Variants in CTCFL observed in about 807,000 individuals in gnomAD.
CTCFL encodes the protein transcriptional repressor CTCFL.
In CTCFL, 36 loss-of-function variants were observed where a neutral mutation model predicts 67.4. The observed-to-expected ratio is 0.53, with a 90% CI of 0.41 to 0.71. The LOEUF (loss-of-function observed/expected upper bound fraction) is 0.71. Ranked by LOEUF, CTCFL falls within the 30% of genes least tolerant of loss-of-function variation. The pLI is 0.00. For missense variants in CTCFL, 786 were observed against 835.2 expected (o/e 0.94, Z 0.73); for synonymous variants, 324 against 302.3 (o/e 1.07, Z -0.75).
At chr20:57,521,351 C>T (rs1362276868) in intron 3 of CTCFL, among the ~76,000 whole-genome samples, 1 of 152,176 alleles carries the variant, frequency 6.6e-6, no homozygotes, top group Non-Finnish European at 1.5e-5. Flanking sequence ...GAAACCAAAA[C>T]TACAACGAGA....
chr20:57,507,362 C>CTTT, intron 9 of CTCFL: 1 of 489,200 alleles, frequency 2.0e-6, no homozygotes, highest in Non-Finnish European at 3.7e-6. Context: ...TAGCTATTTT[C>CTTT]TTTTTTTTTT....
downstream of CTCFL, among the ~76,000 whole-genome samples, chr20:57,496,597 T>G (rs2182970): frequency 0.59 from 89,281 of 151,946 alleles, 26,437 homozygotes; most frequent in South Asian, 0.73. Flanking sequence ...ACACTAACTC[T>G]CCATTCTCCC....
At chr20:57,519,035 C>T (rs2069138530) in intron 4 of CTCFL, 144 bp from the exon 5 acceptor site, 1 of 1,179,364 alleles carries the variant, frequency 8.5e-7, no homozygotes. Flanking sequence ...ACCACAGATG[C>T]ATGTGAGAAA....
rs1302045794 is a variant in CTCFL, at chr20:57,515,778, A to G, written c.1116T>C (p.Cys372=). ...RSHTGERPFQ[C]CQCSYASRDT... ...CTCTGCTGGCATAGCTGCACTGGCA[A>G]CACTGAAAGGGGCGCTCCCCAGTGT... The change falls in exon 6 of 11, where the codon TGT becomes TGC. Residue 372 remains cysteine (C), a synonymous_variant. Coordinates refer to ENST00000243914, the MANE Select transcript of CTCFL (RefSeq NM_001386993.1). 1 of 1,614,194 alleles carries G rather than the reference A, an allele frequency of 6.2e-7. No individual in the cohort carries two copies. Among genetic ancestry groups the G allele is most frequent in the South Asian group, 1.1e-5 (1 of 91,080 alleles).
At position 57,523,743 on chromosome 20, in the gene CTCFL, C is replaced by A. The variant is rs368620834; in HGVS notation, c.463G>T (p.Ala155Ser). 1 of 1,613,392 alleles carries A rather than the reference C, an allele frequency of 6.2e-7. No individual in the cohort carries two copies. The highest frequency in any genetic ancestry group is 8.5e-7 in the Non-Finnish European group (1 of 1,180,038). ...GCCACCATCACATTCTCCTCTAGAG[C>A]GTGGAACTGCAACACCTCCATCTCT... is the stretch of plus-strand genomic sequence containing the variant. ...PQEMEVLQFHALEENVMVASE... is the reference protein window; with the variant it reads ...PQEMEVLQFHSLEENVMVASE... Residue 155 changes from alanine to serine, a missense_variant, in exon 2 of 11, where the codon GCT (alanine) becomes TCT (serine). Coordinates refer to ENST00000243914, the MANE Select transcript of CTCFL (RefSeq NM_001386993.1).
In CTCFL at chr20:57,524,069, T is replaced by A; in HGVS notation, c.137A>T (p.Glu46Val). The A allele has an allele frequency of 6.2e-7, 1 of 1,613,680 alleles. No individual in the cohort carries two copies. The highest frequency in any genetic ancestry group is 1.1e-5 in the South Asian group (1 of 91,074). The change falls in exon 2 of 11, where the codon GAG (glutamate) becomes GTG (valine). Residue 46 changes from glutamate (E) to valine (V), a missense_variant. Glu to Val is a moderately radical substitution (Grantham distance 121). Transcript: ENST00000243914. ...CCCAGAGGTACGCTCGGCCTCCAAC[T>A]CACTAGGGCTCCGATGGTCTTTCTC... The part of the protein sequence containing the change: ...CREKDHRSPS[E>V]LEAERTSGAF...
intron 5 of CTCFL, 91 bp downstream of exon 5, chr20:57,518,667 A>G (rs1222355545): frequency 3.5e-5 from 57 of 1,607,902 alleles, no homozygotes; most frequent in Non-Finnish European, 4.6e-5. Flanking sequence ...GCCTGTTTGT[A>G]ACAGATTCTA....
chr20:57,501,918 A>T (rs1396553882), intron 10 of CTCFL, among the ~76,000 whole-genome samples: 2 of 152,184 alleles, frequency 1.3e-5, no homozygotes, highest in South Asian at 2.1e-4. Flanking sequence ...CCTGTGATGG[A>T]GCTCTCTCCC....
intron 5 of CTCFL, among the ~76,000 whole-genome samples, chr20:57,517,453 T>G (rs2146408134): frequency 6.6e-6 from 1 of 152,204 alleles, no homozygotes; most frequent in African/African-American, 2.4e-5. Context: ...ATTTTTTGTA[T>G]TTTTAGTAGA....
intron 10 of CTCFL, among the ~76,000 whole-genome samples, chr20:57,503,211 C>T (rs6128058): frequency 0.048 from 7,287 of 152,314 alleles, 283 homozygotes; most frequent in East Asian, 0.19. Flanking sequence ...GAGGGCTCCT[C>T]GGGGTGGGGG....
intron 3 of CTCFL, among the ~76,000 whole-genome samples, 181 bp from the exon 4 acceptor site, chr20:57,519,558 C>A (rs2069190103): frequency 6.6e-6 from 1 of 152,188 alleles, no homozygotes; most frequent in Non-Finnish European, 1.5e-5. Flanking sequence ...ATGAACAATG[C>A]ATTTTCGCTG....
intron 7 of CTCFL, 83 bp from the exon 8 acceptor site, chr20:57,512,835 CT>C: frequency 7.2e-7 from 1 of 1,385,720 alleles, no homozygotes; most frequent in South Asian, 1.3e-5. Flanking sequence ...ACCGGGGTTT[CT>C]CAGCCTTGGC....
intron 9 of CTCFL, among the ~76,000 whole-genome samples, chr20:57,505,319 G>A (rs1045387161): frequency 2.0e-5 from 3 of 151,544 alleles, no homozygotes; most frequent in Admixed American, 6.6e-5. Context: ...GCAGTGGCAC[G>A]ATCTCTGCTC....
At chr20:57,499,073 CGGGGGGGGGGTG>C (rs1382200187) in intron 10 of CTCFL, among the ~76,000 whole-genome samples, 3 of 65,340 alleles carry the variant, frequency 4.6e-5, no homozygotes, top group African/African-American at 1.3e-4. Context: ...CTGAAGGTGA[CGGGGGGGGGGTG>C]GGGGGGGGAC....
chr20:57,508,315 A>C (rs2068333538), intron 9 of CTCFL, among the ~76,000 whole-genome samples: 1 of 151,818 alleles, frequency 6.6e-6, no homozygotes, highest in Non-Finnish European at 1.5e-5. Flanking sequence ...AAAATATTAC[A>C]CTAAAAGGTG....
intron 9 of CTCFL, chr20:57,506,660 T>C: frequency 2.7e-6 from 1 of 367,834 alleles, no homozygotes; most frequent in Non-Finnish European, 3.8e-6. Flanking sequence ...ATAAGAGTTC[T>C]TTTTATATTT....
chr20:57,505,349 G>A (rs542105546), intron 9 of CTCFL, among the ~76,000 whole-genome samples: 327 of 151,684 alleles, frequency 2.2e-3, no homozygotes, highest in African/African-American at 6.5e-3. Flanking sequence ...TCCGCCTCCC[G>A]GGTTCATGCC....
At chr20:57,507,845 T>C (rs559389984) in intron 9 of CTCFL, 8 of 702,936 alleles carry the variant, frequency 1.1e-5, no homozygotes, top group Non-Finnish European at 2.1e-5. Flanking sequence ...TGAGGTAATC[T>C]GTCATACAGA....
chr20:57,504,570 CCG>C (rs1455043265), intron 9 of CTCFL, among the ~76,000 whole-genome samples: 1 of 151,864 alleles, frequency 6.6e-6, no homozygotes, highest in Non-Finnish European at 1.5e-5. Flanking sequence ...GCGTGAGCCA[CCG>C]CACTGGCCAA....
Sources: allele counts gnomAD v4.1 joint callset (sites outside exome capture counted in the v4.1 genomes callset), GRCh38; gene constraint gnomAD v4.1.1; transcripts MANE v1.5; gene names NCBI Gene and HGNC (gene_info 2026-07-23, HGNC 2026-07-21).